The following SMAD3 variants were observed in gnomAD, a reference collection of about 807,000 sequenced individuals.
SMAD3 encodes SMAD family member 3.
In SMAD3, 12 loss-of-function variants were observed where a neutral mutation model predicts 51.8. The observed-to-expected ratio is 0.23, with a 90% confidence interval of 0.15 to 0.38. The LOEUF is 0.38. Ranked by LOEUF, SMAD3 falls within the 10% of genes least tolerant of loss-of-function variation. The pLI, the probability that SMAD3 is intolerant of heterozygous loss-of-function variation, is 1.00. For missense variants in SMAD3, 294 were observed against 565.6 expected (o/e 0.52, Z 4.87); for synonymous variants, 238 against 227.7 (o/e 1.05, Z -0.41).
At chr15:67,118,497 A>G (rs1961185436) in intron 1 of SMAD3, among the ~76,000 whole-genome samples, 3 of 152,206 alleles carry the variant, frequency 2.0e-5, no homozygotes, top group Admixed American at 1.3e-4. Context: ...TTGGGTCCAA[A>G]GGTGTGTCAT....
intron 5 of SMAD3, 113 bp downstream of exon 5, chr15:67,170,717 A>T (rs748541256): frequency 1.2e-6 from 1 of 835,606 alleles, no homozygotes; most frequent in Non-Finnish European, 2.0e-6. Context: ...CCCTACCATC[A>T]GCCCAGCTCA....
chr15:67,065,610 G>T lies in SMAD3; in HGVS notation c.-545G>T, dbSNP rs1959890116. Among the ~76,000 whole-genome samples, 1 of 151,130 alleles carries T rather than the reference G, an allele frequency of 6.6e-6. No individual in the cohort carries two copies. Among genetic ancestry groups the T allele is most frequent in the South Asian group, 2.1e-4 (1 of 4,792 alleles). On this transcript the variant is annotated 5_prime_UTR_variant, in exon 1 of 9. Transcript: ENST00000327367. ...TGCACGCGGATTTGCATGAAACACAGACTGGGAGCGGGCGGGAGCGGGAGC... is the reference window on the plus strand; with the variant it reads ...TGCACGCGGATTTGCATGAAACACATACTGGGAGCGGGCGGGAGCGGGAGC...
At chr15:67,107,965 T>TCTCCCCCC (rs1960916348) in intron 1 of SMAD3, among the ~76,000 whole-genome samples, 1 of 124,640 alleles carries the variant, frequency 8.0e-6, no homozygotes, top group Non-Finnish European at 1.6e-5. Context: ...TGCTCTCCTC[T>TCTCCCCCC]CCCCCCCACC....
Position 67,193,749 on chromosome 15 carries a change from C to G in SMAD3, c.*3213C>G, listed in dbSNP as rs1453123782. On this transcript the variant is annotated 3_prime_UTR_variant, in exon 9 of 9. Coordinates refer to ENST00000327367, the MANE Select transcript of SMAD3 (RefSeq NM_005902.4). Reference sequence around the variant, plus strand: ...ATTTTTTTAAACCATCGTTAATATACTGAAGTGAGCTATAGCACATATCAT... The same window carrying G: ...ATTTTTTTAAACCATCGTTAATATAGTGAAGTGAGCTATAGCACATATCAT... The G allele has an allele frequency of 8.6e-6, 2 of 231,470 alleles. No homozygotes were observed. Among genetic ancestry groups the G allele is most frequent in the East Asian group, 1.2e-4 (2 of 16,504 alleles). The allele number at this position is 231,470 out of a possible 1,614,324, so 14.3% of individuals were successfully genotyped here. A position where few individuals can be genotyped will look rare whatever the true frequency, so the allele number is the denominator to read the frequency against.
intron 1 of SMAD3, among the ~76,000 whole-genome samples, chr15:67,160,398 G>T (rs1057270727): frequency 6.6e-6 from 1 of 152,136 alleles, no homozygotes; most frequent in African/African-American, 2.4e-5. Context: ...GATCAACATT[G>T]TCAAGCATCT....
chr15:67,117,823 G>A (rs1961169837), intron 1 of SMAD3, among the ~76,000 whole-genome samples: 2 of 152,212 alleles, frequency 1.3e-5, no homozygotes. Context: ...CGGGTGCAGT[G>A]GCTCATGCCT....
chr15:67,129,909 C>A (rs1961481543), intron 1 of SMAD3, among the ~76,000 whole-genome samples: 1 of 152,170 alleles, frequency 6.6e-6, no homozygotes, highest in African/African-American at 2.4e-5. Flanking sequence ...GGCTGGTGGC[C>A]ACCATATTGG....
chr15:67,161,883 AACCCT>A (rs1328362377), intron 1 of SMAD3, among the ~76,000 whole-genome samples: 2 of 152,162 alleles, frequency 1.3e-5, no homozygotes, highest in Non-Finnish European at 2.9e-5. Context: ...AGGAGAGTAG[AACCCT>A]CCTTTACCCC....
intron 8 of SMAD3, among the ~76,000 whole-genome samples, chr15:67,189,529 T>C (rs1438982450): frequency 1.3e-5 from 2 of 152,244 alleles, no homozygotes. Context: ...CTGGCAGCAC[T>C]GCACAGCAGC....
chr15:67,086,813 G>T (rs1028651427), intron 1 of SMAD3, among the ~76,000 whole-genome samples: 1 of 152,060 alleles, frequency 6.6e-6, no homozygotes, highest in Non-Finnish European at 1.5e-5. Context: ...GAGTGGAATG[G>T]GACACATGGA....
intron 1 of SMAD3, among the ~76,000 whole-genome samples, chr15:67,090,765 T>C (rs560766954): frequency 3.3e-5 from 5 of 152,168 alleles, no homozygotes; most frequent in African/African-American, 7.2e-5. Context: ...TCTCCCTGTT[T>C]TCTGGGGATT....
intron 4 of SMAD3, among the ~76,000 whole-genome samples, chr15:67,169,627 T>A (rs796736610): frequency 2.5e-4 from 35 of 138,986 alleles, no homozygotes; most frequent in East Asian, 4.1e-4. Context: ...GGCTTATTTT[T>A]TTTTTTTTTT....
chr15:67,102,247 A>AGTGTGTGTGTGT (rs56983970), intron 1 of SMAD3, among the ~76,000 whole-genome samples: 4,752 of 149,084 alleles, frequency 0.032, 168 homozygotes, highest in African/African-American at 0.088. Context: ...ATGCTGTGAA[A>AGTGTGTGTGTGT]GTGTGTGTGT....
At chr15:67,076,388 G>T (rs898323528) in intron 1 of SMAD3, among the ~76,000 whole-genome samples, 1 of 152,200 alleles carries the variant, frequency 6.6e-6, no homozygotes, top group Non-Finnish European at 1.5e-5. Context: ...TGACTCACGC[G>T]CCTGTCACTG....
rs117326985 is a variant in SMAD3, at chr15:67,101,967, T to A, written c.206+35607T>A. Among the ~76,000 whole-genome samples, 13 of 152,336 alleles carry A rather than the reference T, an allele frequency of 8.5e-5. No homozygotes were observed. In the East Asian group the frequency reaches 2.3e-3, roughly 27 times the overall value. ...GGGAGTTGTACTTGACACAGCTGAA[T>A]TTGCCTTTGTCTTTAGGAGAGCCTT... On this transcript the variant is annotated intron_variant, in intron 1 of 8. Transcript: ENST00000327367.
intron 1 of SMAD3, among the ~76,000 whole-genome samples, chr15:67,101,009 G>A (rs1195095537): frequency 3.9e-5 from 6 of 152,172 alleles, no homozygotes; most frequent in Non-Finnish European, 7.4e-5. Flanking sequence ...CTTTCCATGG[G>A]TGCTCAGGAA....
At chr15:67,117,908 G>A (rs375160422) in intron 1 of SMAD3, among the ~76,000 whole-genome samples, 5 of 152,086 alleles carry the variant, frequency 3.3e-5, no homozygotes, top group East Asian at 1.9e-4. Flanking sequence ...CCTGGCCAAC[G>A]TGGCAAAACC....
intron 1 of SMAD3, among the ~76,000 whole-genome samples, chr15:67,084,115 G>A (rs534061645): frequency 2.0e-4 from 23 of 115,524 alleles, no homozygotes; most frequent in East Asian, 8.5e-4. Flanking sequence ...TCGCTCTGTC[G>A]CCCAGGCTGG....
chr15:67,157,860 C>T (rs1363698676), intron 1 of SMAD3, among the ~76,000 whole-genome samples: 1 of 152,180 alleles, frequency 6.6e-6, no homozygotes, highest in Non-Finnish European at 1.5e-5. Flanking sequence ...AACCTAATTT[C>T]CTGCCACAGG....
Sources: gnomAD v4.1 joint callset for allele counts (sites outside exome capture counted in the v4.1 genomes callset) on GRCh38, gnomAD v4.1.1 for gene constraint, MANE v1.5 for transcripts, NCBI Gene and HGNC (gene_info 2026-07-23, HGNC 2026-07-21) for gene names.